Variants in EMCN observed in about 807,000 individuals in gnomAD.
EMCN encodes the protein MUC-14.
EMCN carries 37 observed loss-of-function variants against 38.4 expected under a neutral mutation model. The ratio of observed to expected loss-of-function variants is 0.96; its 90% CI spans 0.74 to 1.27. EMCN has a LOEUF of 1.27. Ranked by LOEUF, EMCN falls within the 50% of genes most tolerant of loss-of-function variation. The pLI is 0.00. For missense variants in EMCN, 318 were observed against 302.8 expected, an observed-to-expected ratio of 1.05 and a Z score of -0.37; for synonymous variants, 95 against 100.8, an observed-to-expected ratio of 0.94 and a Z score of 0.35.
chr4:100,446,620 A>T, intron 5 of EMCN, among the ~76,000 whole-genome samples: 1 of 152,128 alleles, frequency 6.6e-6, no homozygotes. Flanking sequence ...TCAGGGATAC[A>T]CATGCAGGTT....
chr4:100,471,503 C>T (rs1728475493), intron 3 of EMCN, among the ~76,000 whole-genome samples: 1 of 151,770 alleles, frequency 6.6e-6, no homozygotes, highest in Admixed American at 6.6e-5. Flanking sequence ...GAAAATTCTA[C>T]CAAATATTTA....
chr4:100,474,370 A>G (rs1279357593), intron 3 of EMCN, among the ~76,000 whole-genome samples: 1 of 152,216 alleles, frequency 6.6e-6, no homozygotes, highest in Non-Finnish European at 1.5e-5. Flanking sequence ...TGTTAGCTAG[A>G]ATATAGAGAT....
intron 1 of EMCN, among the ~76,000 whole-genome samples, chr4:100,490,644 C>T (rs890804128): frequency 3.9e-5 from 6 of 152,208 alleles, no homozygotes; most frequent in Middle Eastern, 3.4e-3. Flanking sequence ...CATGTTACAT[C>T]GGTTTTTAGC....
At chr4:100,468,513 G>A (rs1728386159) in intron 3 of EMCN, among the ~76,000 whole-genome samples, 1 of 152,058 alleles carries the variant, frequency 6.6e-6, no homozygotes, top group African/African-American at 2.4e-5. Context: ...TTTATCTGAT[G>A]CCCATAGGAA....
At chr4:100,426,109 C>G (rs964551336) in intron 5 of EMCN, among the ~76,000 whole-genome samples, 2 of 152,068 alleles carry the variant, frequency 1.3e-5, no homozygotes, top group Non-Finnish European at 2.9e-5. Context: ...CACTGTAGAC[C>G]AATTACTTAA....
At chr4:100,481,932 C>T (rs888197376) in intron 1 of EMCN, among the ~76,000 whole-genome samples, 1 of 151,578 alleles carries the variant, frequency 6.6e-6, no homozygotes, top group Non-Finnish European at 1.5e-5. Flanking sequence ...CTTCCTTCCT[C>T]CTTCCTTCTT....
chr4:100,433,120 C>G (rs575133135), intron 5 of EMCN, among the ~76,000 whole-genome samples: 22 of 152,266 alleles, frequency 1.4e-4, no homozygotes, highest in Admixed American at 9.2e-4. Context: ...CTACATCTCC[C>G]CATTTCCTCT....
intron 10 of EMCN, among the ~76,000 whole-genome samples, chr4:100,414,835 G>A (rs1266596014): frequency 1.3e-5 from 2 of 152,010 alleles, no homozygotes; most frequent in Non-Finnish European, 2.9e-5. Flanking sequence ...ATTCAACTGG[G>A]GAATTGGTTA....
intron 3 of EMCN, among the ~76,000 whole-genome samples, chr4:100,474,410 A>G (rs1231893722): frequency 6.6e-6 from 1 of 152,222 alleles, no homozygotes. Flanking sequence ...GCTGGTGGAA[A>G]TGTAATATAG....
At position 100,423,023 on chromosome 4, in the gene EMCN, G is replaced by A. The variant is rs767204719; in HGVS notation, c.566C>T (p.Ser189Phe). The A allele has an allele frequency of 6.2e-7, 1 of 1,612,618 alleles. No individual in the cohort carries two copies. Among genetic ancestry groups the A allele is most frequent in the East Asian group, 2.2e-5 (1 of 44,802 alleles). Residue 189 changes from serine to phenylalanine, a missense_variant and splice_region_variant, in exon 7 of 12, where the codon TCC (serine) becomes TTC (phenylalanine). By Grantham distance (155) the Ser-to-Phe change is radical. Coordinates refer to ENST00000296420, the MANE Select transcript of EMCN (RefSeq NM_016242.4). ...ASTSATSRSY[S>F]SIILPVVIAL... ...ATGAAGGCATTGCTGTTACTCACTG[G>A]AATAAGACCGGCTGGTTGCTGAAGT...
rs752746647 is a variant in EMCN at position 100,447,554 on chromosome 4, T to C, written c.394A>G (p.Ile132Val). ...TTACCTGGTATTTCTGTTGTTTTAATTGAACTCTGAGTTTCAGCTTTAGAA... is the reference window on the plus strand; with the variant it reads ...TTACCTGGTATTTCTGTTGTTTTAACTGAACTCTGAGTTTCAGCTTTAGAA... ...SKPKTETQSS[I>V]KTTEIPGSVL... Residue 132 changes from isoleucine (I) to valine (V), a missense_variant, in exon 5 of 12, where the codon ATT (isoleucine) becomes GTT (valine). Physicochemically the swap from Ile to Val is conservative, Grantham distance 29. Transcript: ENST00000296420. The C allele has an allele frequency of 4.4e-6, 7 of 1,603,350 alleles. No individual in the cohort carries two copies. In the South Asian group the frequency reaches 6.6e-5, roughly 15 times the overall value.
At chr4:100,457,208 G>C (rs931475469) in intron 4 of EMCN, among the ~76,000 whole-genome samples, 1 of 100,906 alleles carries the variant, frequency 9.9e-6, no homozygotes, top group Non-Finnish European at 2.0e-5. Flanking sequence ...GTGTGTGTGT[G>C]TGTGTGTGCG....
At chr4:100,489,336 A>G (rs1039001751) in intron 1 of EMCN, among the ~76,000 whole-genome samples, 6 of 152,210 alleles carry the variant, frequency 3.9e-5, no homozygotes, top group Non-Finnish European at 8.8e-5. Flanking sequence ...AAATTAGGGT[A>G]TATGATCTTA....
intron 5 of EMCN, among the ~76,000 whole-genome samples, chr4:100,431,715 CA>C (rs1727204304): frequency 1.7e-5 from 1 of 58,112 alleles, no homozygotes; most frequent in South Asian, 1.0e-3. Context: ...CCAATTCTTA[CA>C]ATACATCTCT....
At chr4:100,416,833 T>G (rs1293968862) in intron 9 of EMCN, among the ~76,000 whole-genome samples, 2 of 152,174 alleles carry the variant, frequency 1.3e-5, no homozygotes, top group Non-Finnish European at 2.9e-5. Context: ...GAAACTATTT[T>G]AAAACTCTAG....
rs1429858100 is a variant in EMCN at position 100,419,073 on chromosome 4, C to CT, written c.665-1933_665-1932insA. Among the ~76,000 whole-genome samples, 104 of 152,060 alleles carry CT rather than the reference C, an allele frequency of 6.8e-4. 1 individual carries two copies. In the Middle Eastern group the frequency reaches 0.014, roughly 20 times the overall value. ...CAAAATGTATTGAGATTTTTATATG[C>CT]CTGTTTTAATATTTTTTCCCTAGGA... On this transcript the variant is annotated intron_variant, in intron 8 of 11. Coordinates refer to ENST00000296420, the MANE Select transcript of EMCN (RefSeq NM_016242.4).
intron 9 of EMCN, 89 bp downstream of exon 9, chr4:100,417,028 A>C: frequency 7.5e-7 from 1 of 1,331,746 alleles, no homozygotes; most frequent in Non-Finnish European, 1.1e-6. Context: ...ACACTTTAGA[A>C]ATAATCCAAA....
chr4:100,513,124 C>T (rs1729670526), intron 1 of EMCN, among the ~76,000 whole-genome samples: 2 of 152,120 alleles, frequency 1.3e-5, no homozygotes, highest in Admixed American at 6.5e-5. Flanking sequence ...TTGTTTCTGA[C>T]AACTGTTATA....
At chr4:100,462,191 GC>G (rs1290516452) in intron 4 of EMCN, among the ~76,000 whole-genome samples, 1 of 152,094 alleles carries the variant, frequency 6.6e-6, no homozygotes, top group Non-Finnish European at 1.5e-5. Context: ...AATAACAAAA[GC>G]AATGGACAAC....
Sources: gnomAD v4.1 joint callset for allele counts (sites outside exome capture counted in the v4.1 genomes callset) on GRCh38, gnomAD v4.1.1 for gene constraint, MANE v1.5 for transcripts, NCBI Gene and HGNC (gene_info 2026-07-23, HGNC 2026-07-21) for gene names.